LRRC8D: variants seen among roughly 807,000 people sequenced by gnomAD.
LRRC8D encodes the protein volume-regulated anion channel subunit LRRC8D.
LRRC8D carries 20 observed loss-of-function variants against 55.8 expected under a neutral mutation model. That is an observed-to-expected ratio of 0.36 (90% confidence interval 0.25 to 0.52). LRRC8D has a LOEUF of 0.52. Among genes scored for constraint, LRRC8D ranks in the 20% least tolerant of loss-of-function variants. The pLI is 0.93. For synonymous variants in LRRC8D, 352 were observed against 377.0 expected (o/e 0.93, Z 0.77); for missense variants, 651 against 1,030.8 (o/e 0.63, Z 5.05).
chr1:89,843,360 A>G (rs973126091), intron 1 of LRRC8D: 3 of 268,248 alleles, frequency 1.1e-5, no homozygotes, highest in African/African-American at 2.2e-5. Flanking sequence ...CCCGAGCAGC[A>G]GCTGCAAACG....
intron 2 of LRRC8D, among the ~76,000 whole-genome samples, chr1:89,872,257 C>G (rs1302294474): frequency 6.6e-6 from 1 of 152,228 alleles, no homozygotes; most frequent in Non-Finnish European, 1.5e-5. Context: ...TGATGACCAG[C>G]TGTGTTATCT....
chr1:89,917,998 A>G (rs1663316885), intron 2 of LRRC8D, among the ~76,000 whole-genome samples: 1 of 152,202 alleles, frequency 6.6e-6, no homozygotes, highest in African/African-American at 2.4e-5. Flanking sequence ...TTACTCCCCA[A>G]GCTTTCTCCA....
chr1:89,899,212 G>A (rs1057055086), intron 2 of LRRC8D, among the ~76,000 whole-genome samples: 14 of 152,198 alleles, frequency 9.2e-5, no homozygotes, highest in South Asian at 2.1e-4. Context: ...AGGCCACCCC[G>A]CATTATTCTA....
At chr1:89,858,090 G>A (rs746808939) in intron 2 of LRRC8D, among the ~76,000 whole-genome samples, 35 of 152,214 alleles carry the variant, frequency 2.3e-4, no homozygotes, top group Non-Finnish European at 4.1e-4. Context: ...TTAGCCGGGC[G>A]TGGTGGCAAG....
intron 1 of LRRC8D, among the ~76,000 whole-genome samples, chr1:89,827,975 C>T (rs1191511965): frequency 6.6e-6 from 1 of 152,180 alleles, no homozygotes; most frequent in Non-Finnish European, 1.5e-5. Context: ...AGACCCTTCC[C>T]CATGCCTATT....
intron 2 of LRRC8D, among the ~76,000 whole-genome samples, chr1:89,907,668 A>T (rs1250115432): frequency 1.3e-5 from 2 of 152,202 alleles, no homozygotes; most frequent in Non-Finnish European, 2.9e-5. Flanking sequence ...AAGAACTTAG[A>T]GGAATTATTT....
chr1:89,876,757 A>G (rs1662159056), intron 2 of LRRC8D, among the ~76,000 whole-genome samples: 1 of 152,238 alleles, frequency 6.6e-6, no homozygotes, highest in Non-Finnish European at 1.5e-5. Context: ...TTTGCACTAC[A>G]CTGATAGAGT....
chr1:89,883,221 C>T (rs1335705948), intron 2 of LRRC8D, among the ~76,000 whole-genome samples: 5 of 148,960 alleles, frequency 3.4e-5, no homozygotes, highest in South Asian at 2.1e-4. Flanking sequence ...CGTGTGTAGG[C>T]GTGTGTGTGT....
At chr1:89,887,763 C>T (rs1362050619) in intron 2 of LRRC8D, among the ~76,000 whole-genome samples, 2 of 152,280 alleles carry the variant, frequency 1.3e-5, no homozygotes, top group South Asian at 4.1e-4. Flanking sequence ...AAAATTTCTG[C>T]AGCAGTATCA....
At chr1:89,873,780 T>C (rs1052185868) in intron 2 of LRRC8D, among the ~76,000 whole-genome samples, 2 of 152,230 alleles carry the variant, frequency 1.3e-5, no homozygotes, top group African/African-American at 4.8e-5. Flanking sequence ...CTGAAACAAA[T>C]TTATAAAGTC....
At chr1:89,842,299 ACCTG>A (rs1404177270) in intron 1 of LRRC8D, among the ~76,000 whole-genome samples, 1 of 151,778 alleles carries the variant, frequency 6.6e-6, no homozygotes, top group Non-Finnish European at 1.5e-5. Context: ...ATCAGGAAAG[ACCTG>A]TATTCAGTTC....
chr1:89,920,697 GAA>G (rs555845776), intron 2 of LRRC8D, among the ~76,000 whole-genome samples: 152 of 113,224 alleles, frequency 1.3e-3, no homozygotes, highest in African/African-American at 3.7e-3. Context: ...GGCCTATTGG[GAA>G]AAAAAAAAAA....
intron 1 of LRRC8D, among the ~76,000 whole-genome samples, chr1:89,829,130 A>G (rs77995753): frequency 0.019 from 2,825 of 152,366 alleles, 83 homozygotes; most frequent in African/African-American, 0.063. Context: ...GGTGCTTGCA[A>G]TGGCACTCTA....
chr1:89,832,901 A>G (rs557479667), intron 1 of LRRC8D, among the ~76,000 whole-genome samples: 63 of 152,354 alleles, frequency 4.1e-4, no homozygotes, highest in African/African-American at 1.4e-3. Flanking sequence ...AGCACTTTAC[A>G]TATATTAGCT....
intron 1 of LRRC8D, among the ~76,000 whole-genome samples, chr1:89,838,039 G>A (rs1450631629): frequency 6.6e-6 from 1 of 151,816 alleles, no homozygotes; most frequent in Non-Finnish European, 1.5e-5. Context: ...TTACATTGTT[G>A]GGCTTTTTAA....
chr1:89,871,341 C>T (rs185709793), intron 2 of LRRC8D, among the ~76,000 whole-genome samples: 52 of 152,268 alleles, frequency 3.4e-4, no homozygotes, highest in Non-Finnish European at 6.5e-4. Flanking sequence ...GCGGTTGAAT[C>T]GGTATTTGGA....
At chr1:89,866,975 A>G (rs1188178442) in intron 2 of LRRC8D, among the ~76,000 whole-genome samples, 2 of 152,226 alleles carry the variant, frequency 1.3e-5, no homozygotes, top group African/African-American at 4.8e-5. Context: ...CAGGGTAGCA[A>G]GTCACTTAGT....
At chr1:89,913,347 T>C (rs1188356657) in intron 2 of LRRC8D, among the ~76,000 whole-genome samples, 1 of 152,206 alleles carries the variant, frequency 6.6e-6, no homozygotes, top group Non-Finnish European at 1.5e-5. Flanking sequence ...TTAGTAGTTA[T>C]CATAGAAATG....
chr1:89,824,800 T>C (rs1443799658), intron 1 of LRRC8D, among the ~76,000 whole-genome samples: 3 of 152,234 alleles, frequency 2.0e-5, no homozygotes, highest in Non-Finnish European at 4.4e-5. Context: ...GAATTGAATA[T>C]GTAATTGAGA....
Sources: allele counts gnomAD v4.1 joint callset (sites outside exome capture counted in the v4.1 genomes callset), GRCh38; gene constraint gnomAD v4.1.1; transcripts MANE v1.5; gene names NCBI Gene and HGNC (gene_info 2026-07-23, HGNC 2026-07-21).